The following NUP210L variants were observed in gnomAD, a reference collection of about 807,000 sequenced individuals.
The protein encoded by NUP210L is nuclear pore membrane glycoprotein 210-like.
Under a neutral mutation model 208.5 loss-of-function variants are expected in NUP210L, and 74 were observed. The ratio of observed to expected loss-of-function variants is 0.35; its 90% CI spans 0.29 to 0.43. The LOEUF is 0.43. Ranked by LOEUF, NUP210L falls within the 20% of genes least tolerant of loss-of-function variation. The pLI, the probability that NUP210L is intolerant of heterozygous loss-of-function variation, is 1.00. For synonymous variants in NUP210L, 780 were observed against 816.9 expected (o/e 0.95, Z 0.77); for missense variants, 1,843 against 2,289.4 (o/e 0.81, Z 3.98).
intron 33 of NUP210L, among the ~76,000 whole-genome samples, chr1:154,017,358 T>C (rs1651316784): frequency 1.3e-5 from 2 of 150,444 alleles, no homozygotes; most frequent in Admixed American, 6.8e-5. Flanking sequence ...CCAGTCTCCA[T>C]ACTGCAAAAA....
chr1:154,004,391 G>A (rs898352392), intron 35 of NUP210L, among the ~76,000 whole-genome samples: 6 of 150,764 alleles, frequency 4.0e-5, no homozygotes, highest in Non-Finnish European at 7.4e-5. Context: ...CTTTTGAGAC[G>A]AAGTCTCGTT....
At chr1:154,136,919 C>CAAAAAAA (rs11374907) in intron 6 of NUP210L, among the ~76,000 whole-genome samples, 5 of 62,960 alleles carry the variant, frequency 7.9e-5, no homozygotes, top group Non-Finnish European at 1.1e-4. Context: ...GAATCCATCT[C>CAAAAAAA]AAAAAAAAAA....
intron 1 of NUP210L, among the ~76,000 whole-genome samples, chr1:154,154,273 A>G (rs780957275): frequency 1.3e-5 from 2 of 152,210 alleles, no homozygotes; most frequent in African/African-American, 2.4e-5. Flanking sequence ...TGGGAGTAAT[A>G]GTACTTACTT....
chr1:154,029,375 C>CA (rs57790370), intron 28 of NUP210L, among the ~76,000 whole-genome samples: 499 of 43,956 alleles, frequency 0.011, 17 homozygotes, highest in African/African-American at 0.019. Context: ...AAGACTGTCT[C>CA]AAAAAAAAAA....
chr1:154,135,791 C>A, intron 7 of NUP210L, 23 bp downstream of exon 7: 1 of 1,606,850 alleles, frequency 6.2e-7, no homozygotes, highest in South Asian at 1.1e-5. Flanking sequence ...AGACTGGCAG[C>A]TAAAACTTGA....
At chr1:154,107,367 G>A (rs374662079) in intron 12 of NUP210L, among the ~76,000 whole-genome samples, 1 of 151,874 alleles carries the variant, frequency 6.6e-6, no homozygotes. Context: ...CCAGCTACTT[G>A]GGAGGCTGAG....
At chr1:154,048,410 C>CA (rs572365135) in intron 25 of NUP210L, among the ~76,000 whole-genome samples, 40 of 152,300 alleles carry the variant, frequency 2.6e-4, no homozygotes, top group Non-Finnish European at 4.7e-4. Flanking sequence ...TATGTTTGAG[C>CA]TTTTTCCTTT....
At chr1:153,996,614 T>C (rs865786088) in intron 37 of NUP210L, among the ~76,000 whole-genome samples, 1 of 151,976 alleles carries the variant, frequency 6.6e-6, no homozygotes, top group South Asian at 2.1e-4. Flanking sequence ...TAGGGATGAG[T>C]GTCACCATTT....
At chr1:154,141,842 C>T (rs1658865346) in intron 3 of NUP210L, among the ~76,000 whole-genome samples, 1 of 152,132 alleles carries the variant, frequency 6.6e-6, no homozygotes, top group South Asian at 2.1e-4. Flanking sequence ...ATCCTTAATC[C>T]TGGTCCCCTC....
At chr1:154,142,733 T>C (rs181512395) in intron 3 of NUP210L, among the ~76,000 whole-genome samples, 1 of 150,906 alleles carries the variant, frequency 6.6e-6, no homozygotes, top group East Asian at 2.0e-4. Flanking sequence ...CTATTAAAAA[T>C]ACAAACATTA....
intron 35 of NUP210L, among the ~76,000 whole-genome samples, chr1:154,006,774 C>T (rs1650548200): frequency 6.9e-6 from 1 of 145,674 alleles, no homozygotes; most frequent in African/African-American, 2.5e-5. Flanking sequence ...GGATTACAGG[C>T]GTGAGCCACC....
rs563157622 is a variant in NUP210L, at chr1:154,077,140, C to T, written c.2362-6675G>A. 1.4e-4 allele frequency among the ~76,000 whole-genome samples: 21 copies of T among 151,976 alleles called. No homozygotes were observed. In the South Asian group the frequency reaches 3.5e-3, roughly 26 times the overall value. On this transcript the variant is annotated intron_variant, in intron 16 of 39. Coordinates refer to ENST00000368559, the Ensembl canonical transcript of NUP210L. The stretch of plus-strand genomic sequence containing the variant: ...TTGTAATCTTAGCACTTTGGGGGGC[C>T]GAGGCAGGTGGATTGCCTGAGCTCA...
At chr1:154,050,278 A>G (rs1381687178) in intron 25 of NUP210L, among the ~76,000 whole-genome samples, 1 of 152,210 alleles carries the variant, frequency 6.6e-6, no homozygotes, top group Non-Finnish European at 1.5e-5. Flanking sequence ...TGCTCTAGGC[A>G]TTCCTACCTT....
exon 28 of NUP210L, chr1:154,030,036 C>A: frequency 6.3e-7 from 1 of 1,595,966 alleles, no homozygotes; most frequent in Non-Finnish European, 8.5e-7. Context: ...TTATGCTCTA[C>A]TGGGAGCTGT....
At chr1:154,036,813 G>T (rs1327039500) in intron 27 of NUP210L, among the ~76,000 whole-genome samples, 3 of 151,744 alleles carry the variant, frequency 2.0e-5, no homozygotes, top group African/African-American at 4.8e-5. Context: ...ACGCTAGAGT[G>T]CAGTGGTGCA....
At chr1:154,037,118 T>C (rs550589773) in intron 27 of NUP210L, among the ~76,000 whole-genome samples, 1 of 152,332 alleles carries the variant, frequency 6.6e-6, no homozygotes, top group East Asian at 1.9e-4. Flanking sequence ...TTGTCTATTC[T>C]TGAGAATGAG....
At chr1:154,126,197 C>T in intron 10 of NUP210L, 126 bp downstream of exon 10, 1 of 746,200 alleles carries the variant, frequency 1.3e-6, no homozygotes, top group Non-Finnish European at 2.2e-6. Context: ...TACGAATTTG[C>T]TGTTTATCTG....
intron 35 of NUP210L, among the ~76,000 whole-genome samples, chr1:154,006,102 C>T (rs1455322004): frequency 6.6e-6 from 1 of 152,112 alleles, no homozygotes; most frequent in Non-Finnish European, 1.5e-5. Flanking sequence ...AGGTAATCCA[C>T]CTGCCTCAGC....
At chr1:154,103,067 A>G (rs1367005178) in intron 13 of NUP210L, among the ~76,000 whole-genome samples, 1 of 148,922 alleles carries the variant, frequency 6.7e-6, no homozygotes, top group Admixed American at 6.8e-5. Flanking sequence ...CACGGTGGTG[A>G]GACCCTGTCT....
Sources: allele counts gnomAD v4.1 joint callset (sites outside exome capture counted in the v4.1 genomes callset), GRCh38; gene constraint gnomAD v4.1.1; transcripts MANE v1.5; gene names NCBI Gene and HGNC (gene_info 2026-07-23, HGNC 2026-07-21).